Variants in SCUBE1 observed in about 807,000 individuals in gnomAD.
SCUBE1 encodes signal peptide, CUB and EGF-like domain-containing protein 1.
SCUBE1 carries 59 observed loss-of-function variants against 124.4 expected under a neutral mutation model. The ratio of observed to expected loss-of-function variants is 0.47; its 90% confidence interval spans 0.38 to 0.59. The LOEUF (loss-of-function observed/expected upper bound fraction) is 0.59, where lower values mean the gene tolerates loss of function less well. Ranked by LOEUF, SCUBE1 falls within the 20% of genes least tolerant of loss-of-function variation. The pLI is 0.00. For missense variants in SCUBE1, 1,150 were observed against 1,371.2 expected (o/e 0.84, Z 2.55); for synonymous variants, 545 against 550.9 (o/e 0.99, Z 0.15).
intron 2 of SCUBE1, among the ~76,000 whole-genome samples, chr22:43,320,913 C>T (rs2146785486): frequency 6.6e-6 from 1 of 152,328 alleles, no homozygotes; most frequent in African/African-American, 2.4e-5. Flanking sequence ...ACCTGGCGTC[C>T]TTGGGAGGGC....
chr22:43,319,909 G>C (rs1926484780), intron 3 of SCUBE1, 28 bp downstream of exon 3: 1 of 1,612,182 alleles, frequency 6.2e-7, no homozygotes, highest in South Asian at 1.1e-5. Context: ...GGTGTGCCCA[G>C]AGGGTAGGCT....
At chr22:43,342,945 C>T (rs1354233540) in intron 1 of SCUBE1, among the ~76,000 whole-genome samples, 3 of 151,558 alleles carry the variant, frequency 2.0e-5, no homozygotes. Context: ...CCCGGGGCCC[C>T]GGCCCACCCA....
intron 3 of SCUBE1, 47 bp downstream of exon 3, chr22:43,319,890 A>G: frequency 6.2e-7 from 1 of 1,602,850 alleles, no homozygotes. Flanking sequence ...GGAGCAAAGC[A>G]ACAGGCAGGG....
At position 43,210,176 on chromosome 22, in the gene SCUBE1, G is replaced by A. The variant is rs375495822; in HGVS notation, c.2448C>T (p.Gly816=). ...TGYIESPNYP[G]DYPANAECVW... ...CGCATTCAGCGTTGGCTGGGTAGTC[G>A]CCAGGGTAGTTGGGGGACTCGATGT... The change falls in exon 19 of 22, where the codon GGC becomes GGT. Residue 816 remains glycine, a synonymous_variant. Coordinates refer to ENST00000360835, the MANE Select transcript of SCUBE1 (RefSeq NM_173050.5). This position sits in a 1 kb window ranked among gnomAD's most constrained non-coding sequence, Gnocchi z 4.5. The A allele has an allele frequency of 2.2e-5, 36 of 1,605,074 alleles. No homozygotes were observed. The highest frequency in any genetic ancestry group is 1.9e-4 in the African/African-American group (14 of 74,754).
intron 16 of SCUBE1, 43 bp downstream of exon 16, chr22:43,214,047 G>GGCCCCCCCCCCCC: frequency 1.4e-5 from 2 of 143,438 alleles, no homozygotes; most frequent in Non-Finnish European, 1.3e-5. Flanking sequence ...AGGAGCCCCC[G>GGCCCCCCCCCCCC]CCCACCCCCC....
At chr22:43,238,612 G>A (rs1256897067) in intron 7 of SCUBE1, 3 of 627,220 alleles carry the variant, frequency 4.8e-6, no homozygotes, top group Non-Finnish European at 8.8e-6. Flanking sequence ...CTGCTGATGT[G>A]CCGTGGGACC....
intron 13 of SCUBE1, 117 bp from the exon 14 acceptor site, chr22:43,220,704 A>T: frequency 7.5e-7 from 1 of 1,335,712 alleles, no homozygotes; most frequent in Non-Finnish European, 1.0e-6. Flanking sequence ...GTGCAGACGG[A>T]AAAACTCAGG....
intron 6 of SCUBE1, among the ~76,000 whole-genome samples, chr22:43,245,867 C>T (rs1923190049): frequency 6.6e-6 from 1 of 152,192 alleles, no homozygotes; most frequent in Non-Finnish European, 1.5e-5. Context: ...GCAGGCGGGG[C>T]CTCAATTCCA....
rs565293983 is a variant in SCUBE1 at position 43,214,136 on chromosome 22, G to A, written c.2007C>T (p.Ser669=). 2.2e-5 allele frequency: 36 copies of A among 1,602,852 alleles called. No homozygotes were observed. The highest frequency in any genetic ancestry group is 1.9e-4 in the South Asian group (17 of 90,830). ...GGGCACCAGGCAGACCAAGCCCGTC[G>A]CTGCTGGGGCACGGTGTGCAACTGA... ...GQLSCTPCPS[S]DGLGLPGARN... Residue 669 remains serine (S), a synonymous_variant, in exon 16 of 22, where the codon AGC becomes AGT. Coordinates refer to ENST00000360835, the MANE Select transcript of SCUBE1 (RefSeq NM_173050.5).
chr22:43,287,206 T>C (rs1204756958), intron 4 of SCUBE1, among the ~76,000 whole-genome samples: 3 of 152,124 alleles, frequency 2.0e-5, no homozygotes, highest in Non-Finnish European at 4.4e-5. Context: ...CATCTCGGAC[T>C]CCCTCCTGCC....
chr22:43,269,164 G>T (rs562319066), intron 4 of SCUBE1, among the ~76,000 whole-genome samples: 1 of 152,312 alleles, frequency 6.6e-6, no homozygotes, highest in Non-Finnish European at 1.5e-5. Flanking sequence ...CCCGGGCTGT[G>T]TCTTCTTCTC....
In SCUBE1 at chr22:43,265,562, C is replaced by T. The variant is rs116244277; in HGVS notation, c.485-2717G>A. Among the ~76,000 whole-genome samples, 658 of 152,338 alleles carry T rather than the reference C, an allele frequency of 4.3e-3. 3 individuals carry two copies. The highest frequency in any genetic ancestry group is 0.015 in the African/African-American group (619 of 41,588). On this transcript the variant is annotated intron_variant, in intron 4 of 21. Transcript: ENST00000360835. ...AACACCCCACGGTAGGCCCCCTGCA[C>T]GCTGCCTCTCACCCAGCATCCCCAG...
At chr22:43,309,924 G>T (rs911990584) in intron 3 of SCUBE1, among the ~76,000 whole-genome samples, 1 of 152,076 alleles carries the variant, frequency 6.6e-6, no homozygotes, top group Non-Finnish European at 1.5e-5. Context: ...GCCACCAACC[G>T]CTCTGACCCA....
chr22:43,203,860 A>G lies in SCUBE1; in HGVS notation c.*137T>C. 2 of 916,290 alleles carry G rather than the reference A, an allele frequency of 2.2e-6. 1 individual carries two copies. Among genetic ancestry groups the G allele is most frequent in the Admixed American group, 5.1e-5 (2 of 39,452 alleles). 56.8% of individuals were successfully genotyped at this position (916,290 alleles called of 1,614,324 possible). A position where few individuals can be genotyped will look rare whatever the true frequency, so the allele number is the denominator to read the frequency against. On this transcript the variant is annotated 3_prime_UTR_variant, in exon 22 of 22. Transcript: ENST00000360835. Reference sequence around the variant, plus strand: ...CGAAGGGTGCCTGGGCTCGGTCTCCATGGGCTGGTCGGCTTCCCTGAAGGG... The same window carrying G: ...CGAAGGGTGCCTGGGCTCGGTCTCCGTGGGCTGGTCGGCTTCCCTGAAGGG...
At chr22:43,218,233 G>A in intron 15 of SCUBE1, 22 bp downstream of exon 15, 4 of 1,609,764 alleles carry the variant, frequency 2.5e-6, no homozygotes, top group Non-Finnish European at 3.4e-6. Context: ...CAGCATCTGA[G>A]TGGCCATGGG....
At chr22:43,291,313 C>T in intron 3 of SCUBE1, 133 bp from the exon 4 acceptor site, 3 of 952,876 alleles carry the variant, frequency 3.1e-6, no homozygotes, top group Non-Finnish European at 4.8e-6. Context: ...AGAGGGCCTC[C>T]CTGGTGCTGT....
intron 3 of SCUBE1, among the ~76,000 whole-genome samples, chr22:43,312,431 C>T (rs537686540): frequency 8.5e-5 from 13 of 152,076 alleles, no homozygotes; most frequent in East Asian, 3.9e-4. Context: ...TAGGACTCTG[C>T]GGGTACAGGG....
In SCUBE1 at chr22:43,203,810, G is replaced by T; in HGVS notation, c.*187C>A. The T allele has an allele frequency of 1.7e-6, 1 of 585,098 alleles. No individual in the cohort carries two copies. Among genetic ancestry groups the T allele is most frequent in the Non-Finnish European group, 3.0e-6 (1 of 336,680 alleles). 36.2% of individuals were successfully genotyped at this position (585,098 alleles called of 1,614,324 possible). A position where few individuals can be genotyped will look rare whatever the true frequency, so the allele number is the denominator to read the frequency against. ...GAGGGAGGGAGGCTTCCTGAAGCAG[G>T]GTGCTCCCACAGGGGCAGCGGGTCC... On this transcript the variant is annotated 3_prime_UTR_variant, in exon 22 of 22. Transcript: ENST00000360835.
chr22:43,297,942 G>A (rs1389840379), intron 3 of SCUBE1, among the ~76,000 whole-genome samples: 2 of 152,098 alleles, frequency 1.3e-5, no homozygotes, highest in Non-Finnish European at 2.9e-5. Context: ...CAGCTCCCAC[G>A]GAAGGTCTAG....
Sources: allele counts gnomAD v4.1 joint callset (sites outside exome capture counted in the v4.1 genomes callset), GRCh38; gene constraint gnomAD v4.1.1; non-coding constraint Gnocchi (gnomAD v3.1); transcripts MANE v1.5; gene names NCBI Gene and HGNC (gene_info 2026-07-23, HGNC 2026-07-21).